The following DLGAP2 variants were observed in gnomAD, a reference collection of about 807,000 sequenced individuals.
DLGAP2 encodes the protein disks large-associated protein 2.
In DLGAP2, 26 loss-of-function variants were observed where a neutral mutation model predicts 100.3. The observed-to-expected ratio is 0.26, with a 90% CI of 0.19 to 0.36. The LOEUF is 0.36. Among genes scored for constraint, DLGAP2 ranks in the 10% least tolerant of loss-of-function variants. The pLI is 1.00. For missense variants in DLGAP2, 1,858 were observed against 1,453.2 expected, an observed-to-expected ratio of 1.28 and a Z score of -4.53; for synonymous variants, 886 against 630.1, an observed-to-expected ratio of 1.41 and a Z score of -6.08.
chr8:1,322,775 C>A (rs919831747), intron 3 of DLGAP2, among the ~76,000 whole-genome samples: 1 of 152,228 alleles, frequency 6.6e-6, no homozygotes, highest in African/African-American at 2.4e-5. Context: ...CGGCTCCTCC[C>A]CCCTGCATCA....
chr8:808,140 G>A lies in DLGAP2; in HGVS notation c.18+70315G>A, dbSNP rs942936569. 1.5e-4 allele frequency among the ~76,000 whole-genome samples: 23 copies of A among 152,294 alleles called. 1 individual carries two copies. Among genetic ancestry groups the A allele is most frequent in the African/African-American group, 5.3e-4 (22 of 41,564 alleles). ...ACCTGCCTCACAGGGTCGTCGGCAC[G>A]TGGGTCTTCGGCTTTCTGTGTCATG... On this transcript the variant is annotated intron_variant, in intron 1 of 14. Transcript: ENST00000637795.
intron 3 of DLGAP2, among the ~76,000 whole-genome samples, chr8:1,341,356 C>G (rs1302603526): frequency 6.6e-6 from 1 of 152,174 alleles, no homozygotes; most frequent in Non-Finnish European, 1.5e-5. Flanking sequence ...TTTTGGCATA[C>G]TTTCTTTTTG....
intron 2 of DLGAP2, among the ~76,000 whole-genome samples, chr8:1,196,637 G>C (rs1797757805): frequency 6.6e-6 from 1 of 152,174 alleles, no homozygotes; most frequent in African/African-American, 2.4e-5. Context: ...GGGTATCTCT[G>C]AGATGAAAAG....
At chr8:1,007,823 T>A (rs1336495996) in intron 2 of DLGAP2, among the ~76,000 whole-genome samples, 1 of 152,208 alleles carries the variant, frequency 6.6e-6, no homozygotes, top group Non-Finnish European at 1.5e-5. Flanking sequence ...TTTGGTTAAT[T>A]TGTGCCCAGT....
chr8:930,394 G>A (rs961457552), intron 2 of DLGAP2, among the ~76,000 whole-genome samples: 1 of 152,240 alleles, frequency 6.6e-6, no homozygotes, highest in African/African-American at 2.4e-5. Context: ...TGAACGAAGA[G>A]TTCCTGTGCT....
At chr8:986,683 A>C (rs900201415) in intron 2 of DLGAP2, among the ~76,000 whole-genome samples, 1 of 149,134 alleles carries the variant, frequency 6.7e-6, no homozygotes, top group African/African-American at 2.5e-5. Flanking sequence ...TTTTTGAGAC[A>C]GAGTCTCACT....
intron 2 of DLGAP2, among the ~76,000 whole-genome samples, chr8:1,113,056 G>C (rs1805010415): frequency 6.6e-6 from 1 of 152,076 alleles, no homozygotes; most frequent in Non-Finnish European, 1.5e-5. Context: ...CGGTTCCATT[G>C]GTCTGTGTGT....
At chr8:1,436,138 G>A (rs73172545) in intron 3 of DLGAP2, among the ~76,000 whole-genome samples, 1 of 151,960 alleles carries the variant, frequency 6.6e-6, no homozygotes, top group African/African-American at 2.4e-5. Flanking sequence ...CAACCACAAG[G>A]TGAACTCCCA....
At chr8:1,055,165 C>G (rs550956757) in intron 2 of DLGAP2, among the ~76,000 whole-genome samples, 1 of 152,176 alleles carries the variant, frequency 6.6e-6, no homozygotes, top group African/African-American at 2.4e-5. Flanking sequence ...TGTTTTGAGA[C>G]CACTTTTTCT....
At chr8:1,164,850 G>C (rs757804447) in intron 2 of DLGAP2, among the ~76,000 whole-genome samples, 8 of 152,202 alleles carry the variant, frequency 5.3e-5, no homozygotes, top group Admixed American at 2.6e-4. Context: ...TGTCAGCGTT[G>C]CTGAGACAGC....
intron 3 of DLGAP2, among the ~76,000 whole-genome samples, chr8:1,372,411 A>C (rs943774773): frequency 3.9e-5 from 6 of 151,916 alleles, no homozygotes; most frequent in Admixed American, 2.0e-4. Flanking sequence ...TCTTGCCCTC[A>C]CTCCTCCCTC....
At chr8:1,363,274 C>G (rs560954240) in intron 3 of DLGAP2, among the ~76,000 whole-genome samples, 5 of 152,268 alleles carry the variant, frequency 3.3e-5, no homozygotes, top group African/African-American at 1.2e-4. Flanking sequence ...ACGCCCATGG[C>G]ATGCTTGCGG....
intron 2 of DLGAP2, among the ~76,000 whole-genome samples, chr8:1,179,317 G>T (rs77077947): frequency 6.6e-6 from 1 of 152,186 alleles, no homozygotes. Context: ...CCCCATTTTC[G>T]CCTGTGCCAA....
At chr8:1,241,296 A>G (rs909684187) in intron 2 of DLGAP2, among the ~76,000 whole-genome samples, 2 of 149,946 alleles carry the variant, frequency 1.3e-5, no homozygotes, top group Non-Finnish European at 3.0e-5. Flanking sequence ...ATTCTCTCAC[A>G]TGGAGCCGTG....
chr8:1,019,675 G>A (rs1227205930), intron 2 of DLGAP2: 1 of 152,182 alleles, frequency 6.6e-6, no homozygotes, highest in Non-Finnish European at 1.5e-5. Context: ...TTGCTTTGGT[G>A]TGATTATACA....
intron 2 of DLGAP2, among the ~76,000 whole-genome samples, chr8:918,732 C>T (rs776696936): frequency 6.6e-6 from 1 of 152,056 alleles, no homozygotes; most frequent in Non-Finnish European, 1.5e-5. Context: ...TTGTTCCATC[C>T]TTTTCTTTTA....
At chr8:761,716 G>A (rs908755650) in intron 1 of DLGAP2, among the ~76,000 whole-genome samples, 4 of 152,158 alleles carry the variant, frequency 2.6e-5, no homozygotes, top group Non-Finnish European at 4.4e-5. Context: ...CCTAGAAGAC[G>A]GCCCGAAACG....
At chr8:1,111,748 A>C (rs1455593287) in intron 2 of DLGAP2, among the ~76,000 whole-genome samples, 1 of 152,226 alleles carries the variant, frequency 6.6e-6, no homozygotes, top group Middle Eastern at 3.4e-3. Context: ...TATTCTTTTT[A>C]TGGCTGTATA....
intron 3 of DLGAP2, among the ~76,000 whole-genome samples, chr8:1,443,645 G>A (rs1797901549): frequency 6.6e-6 from 1 of 152,220 alleles, no homozygotes; most frequent in Non-Finnish European, 1.5e-5. Flanking sequence ...GAGCAGCAAA[G>A]TCACATCTTA....
Sources: gnomAD v4.1 joint callset for allele counts (sites outside exome capture counted in the v4.1 genomes callset) on GRCh38, gnomAD v4.1.1 for gene constraint, MANE v1.5 for transcripts, NCBI Gene and HGNC (gene_info 2026-07-23, HGNC 2026-07-21) for gene names.